The following CELF2 variants were observed in gnomAD, a reference collection of about 807,000 sequenced individuals.
CELF2 encodes CUG triplet repeat RNA-binding protein 2.
Under a neutral mutation model 62.6 loss-of-function variants are expected in CELF2, and 8 were observed. That is an observed-to-expected ratio of 0.13 (90% CI 0.07 to 0.23). CELF2 has a LOEUF of 0.23. Ranked by LOEUF, CELF2 falls within the 10% of genes least tolerant of loss-of-function variation. The probability of loss-of-function intolerance (pLI) is 1.00; values close to 1 mark genes in which losing one functional copy is unlikely to be tolerated. For missense variants in CELF2, 333 were observed against 671.0 expected (o/e 0.50, Z 5.56); for synonymous variants, 258 against 250.0 (o/e 1.03, Z -0.30).
At chr10:10,892,001 T>G (rs889043511) in intron 1 of CELF2, among the ~76,000 whole-genome samples, 1 of 152,224 alleles carries the variant, frequency 6.6e-6, no homozygotes, top group Non-Finnish European at 1.5e-5. Flanking sequence ...TATGTTTGCC[T>G]TAATGATTTT....
At chr10:10,586,606 C>G in the CELF2 span, among the ~76,000 whole-genome samples, 6 of 152,142 alleles carry the variant, frequency 3.9e-5, no homozygotes, top group African/African-American at 1.2e-4. Flanking sequence ...CTGCTGGAAG[C>G]CTGCAATGCT....
chr10:11,012,128 T>C lies in CELF2; in HGVS notation c.53+6688T>C, dbSNP rs1436641451. ...AGAAAATTAAATGACTCATTCCCAT[T>C]GTCAATCAACTCTTTGACAGAATGA... is the stretch of plus-strand genomic sequence containing the variant. On this transcript the variant is annotated intron_variant, in intron 1 of 12. Transcript: ENST00000416382. The surrounding 1 kb of genome is among the most constrained non-coding windows in gnomAD (Gnocchi z 5.5). Among the ~76,000 whole-genome samples, 1 of 152,158 alleles carries C rather than the reference T, an allele frequency of 6.6e-6. No individual in the cohort carries two copies. Among genetic ancestry groups the C allele is most frequent in the Non-Finnish European group, 1.5e-5 (1 of 67,998 alleles).
intron 1 of CELF2, among the ~76,000 whole-genome samples, chr10:11,067,515 T>A (rs1239082565): frequency 1.3e-5 from 2 of 152,252 alleles, no homozygotes; most frequent in Non-Finnish European, 2.9e-5. Flanking sequence ...TATATTCTAC[T>A]TTAAATAAAA....
chr10:11,138,122 TAAAC>T (rs149899968), intron 1 of CELF2, among the ~76,000 whole-genome samples: 8,482 of 152,162 alleles, frequency 0.056, 278 homozygotes, highest in African/African-American at 0.087. Context: ...CACATTAAAA[TAAAC>T]AAAATTAGCA....
the CELF2 span, among the ~76,000 whole-genome samples, chr10:10,678,457 A>G: frequency 6.6e-6 from 1 of 152,070 alleles, no homozygotes; most frequent in Non-Finnish European, 1.5e-5. Flanking sequence ...TGGTCTTTCC[A>G]TGGAACAGCA....
the CELF2 span, among the ~76,000 whole-genome samples, chr10:10,788,622 A>G: frequency 5.8e-4 from 88 of 151,862 alleles, no homozygotes; most frequent in Non-Finnish European, 1.0e-3. Flanking sequence ...GCCACCAGGC[A>G]TGGCTAATCT....
In CELF2 at chr10:11,225,802, T is replaced by C. The variant is rs141992436; in HGVS notation, c.354+8295T>C. Among the ~76,000 whole-genome samples, 305 of 152,326 alleles carry C rather than the reference T, an allele frequency of 2.0e-3. 3 individuals are homozygous for C. Among genetic ancestry groups the C allele is most frequent in the African/African-American group, 6.1e-3 (252 of 41,572 alleles). ...ATTTGATTCCTGTCCTCAGCTAACATGGGTAAGTGACTCCTCTGTGTTTGT... is the reference window on the plus strand; with the variant it reads ...ATTTGATTCCTGTCCTCAGCTAACACGGGTAAGTGACTCCTCTGTGTTTGT... On this transcript the variant is annotated intron_variant, in intron 3 of 12. Coordinates refer to ENST00000633077, the MANE Select transcript of CELF2 (RefSeq NM_001326342.2).
chr10:10,883,214 G>T (rs2061545095), intron 1 of CELF2, among the ~76,000 whole-genome samples: 1 of 152,076 alleles, frequency 6.6e-6, no homozygotes, highest in Admixed American at 6.5e-5. Context: ...TTAACACTTT[G>T]ACTAGAGGAG....
At chr10:11,307,008 CCTAAGGAGTT>C (rs2094270554) in intron 9 of CELF2, among the ~76,000 whole-genome samples, 1 of 152,176 alleles carries the variant, frequency 6.6e-6, no homozygotes, top group Non-Finnish European at 1.5e-5. Context: ...TGTATCTGTG[CCTAAGGAGTT>C]CTCTGTCCAA....
chr10:10,561,341 T>A, the CELF2 span, among the ~76,000 whole-genome samples: 2 of 152,188 alleles, frequency 1.3e-5, no homozygotes, highest in Non-Finnish European at 2.9e-5. Flanking sequence ...TTTATTGGGC[T>A]GGGCTTAAGC....
chr10:11,235,492 C>G (rs1166937932), intron 3 of CELF2, among the ~76,000 whole-genome samples: 1 of 152,208 alleles, frequency 6.6e-6, no homozygotes, highest in Non-Finnish European at 1.5e-5. Context: ...TTTCTCTAAG[C>G]TCTACCAACC....
chr10:11,277,353 G>A (rs2086528872), intron 8 of CELF2, among the ~76,000 whole-genome samples: 1 of 152,184 alleles, frequency 6.6e-6, no homozygotes, highest in South Asian at 2.1e-4. Flanking sequence ...AACTTTCCCA[G>A]CTTCCCCGAA....
chr10:11,190,775 T>TAAAAAAAAAA (rs11301213), intron 2 of CELF2, among the ~76,000 whole-genome samples: 3 of 53,984 alleles, frequency 5.6e-5, no homozygotes, highest in African/African-American at 7.8e-5. Flanking sequence ...CTCTTTTCTT[T>TAAAAAAAAAA]AAAAAAAAAA....
the CELF2 span, among the ~76,000 whole-genome samples, chr10:10,665,835 G>A: frequency 2.0e-4 from 30 of 152,286 alleles, no homozygotes; most frequent in African/African-American, 7.2e-4. Context: ...GGTAGAAGAA[G>A]GGCATAATGT....
At chr10:10,905,638 G>T (rs895261874) in intron 1 of CELF2, among the ~76,000 whole-genome samples, 1 of 151,958 alleles carries the variant, frequency 6.6e-6, no homozygotes, top group Non-Finnish European at 1.5e-5. Flanking sequence ...CAGCACTTTG[G>T]GAGGCTGAGG....
intron 2 of CELF2, among the ~76,000 whole-genome samples, chr10:10,985,340 A>G (rs1189955829): frequency 6.6e-6 from 1 of 152,168 alleles, no homozygotes; most frequent in Non-Finnish European, 1.5e-5. Flanking sequence ...GTAAAAAAAA[A>G]AAAAATAAGG....
chr10:10,571,747 C>T, the CELF2 span, among the ~76,000 whole-genome samples: 1 of 152,156 alleles, frequency 6.6e-6, no homozygotes, highest in Admixed American at 6.5e-5. Flanking sequence ...CAGTAGATTT[C>T]AGGGGTATCT....
rs550893584 is a variant in CELF2 at position 10,997,665 on chromosome 10, CA to C, written c.89+77668del. 7.2e-3 allele frequency among the ~76,000 whole-genome samples: 1,098 copies of C among 152,316 alleles called. 10 individuals are homozygous for C. Among genetic ancestry groups the C allele is most frequent in the Middle Eastern group, 0.02 (6 of 294 alleles). Reference sequence around the variant, plus strand: ...GTGCCTTTGCTTCCTCTAAAAATAGCAAGAATAAATTCGGTCCCTTTTCCAC... The same window carrying C: ...GTGCCTTTGCTTCCTCTAAAAATAGCAGAATAAATTCGGTCCCTTTTCCAC... On this transcript the variant is annotated intron_variant, in intron 2 of 13. Coordinates refer to the CELF2 transcript ENST00000636488. The surrounding 1 kb of genome is among the most constrained non-coding windows in gnomAD (Gnocchi z 5.3).
chr10:11,271,802 C>T (rs982518882), intron 7 of CELF2, among the ~76,000 whole-genome samples: 12 of 152,116 alleles, frequency 7.9e-5, no homozygotes, highest in African/African-American at 2.4e-4. Flanking sequence ...GTGATCCTGT[C>T]ACCCATTGGC....
Sources: allele counts gnomAD v4.1 joint callset (sites outside exome capture counted in the v4.1 genomes callset), GRCh38; gene constraint gnomAD v4.1.1; non-coding constraint Gnocchi (gnomAD v3.1); transcripts MANE v1.5; gene names NCBI Gene and HGNC (gene_info 2026-07-23, HGNC 2026-07-21).